The following SHROOM4 variants were observed in gnomAD, a reference collection of about 807,000 sequenced individuals.
SHROOM4 encodes protein Shroom4.
A neutral mutation model predicts 80.3 loss-of-function variants in SHROOM4; 17 were observed. The ratio of observed to expected loss-of-function variants is 0.21; its 90% CI spans 0.14 to 0.32. SHROOM4 has a LOEUF of 0.32. Ranked by LOEUF, SHROOM4 falls within the 10% of genes least tolerant of loss-of-function variation. The pLI is 1.00. For synonymous variants in SHROOM4, 400 were observed against 437.5 expected (o/e 0.91, Z 1.07); for missense variants, 993 against 1,140.3 (o/e 0.87, Z 1.86).
At chrX:50,701,391 A>C (rs1933513664) in intron 1 of SHROOM4, among the ~76,000 whole-genome samples, 1 of 111,836 alleles carries the variant, frequency 8.9e-6, no homozygotes, top group Non-Finnish European at 1.9e-5. Context: ...TGACGGCACA[A>C]GAGTAAACTG....
chrX:50,696,900 T>C (rs1933384770), intron 1 of SHROOM4, among the ~76,000 whole-genome samples: 1 of 111,553 alleles, frequency 9.0e-6, no homozygotes, highest in South Asian at 3.8e-4. Flanking sequence ...TCTCTGGGGG[T>C]CCTTGCTTAT....
At chrX:50,638,131 G>A (rs1557256459) in intron 3 of SHROOM4, 43 bp downstream of exon 3, 2 of 1,182,435 alleles carry the variant, frequency 1.7e-6, no homozygotes, top group Admixed American at 2.3e-5. Context: ...TGTCCAAGGT[G>A]TCTACCCTCC....
intron 1 of SHROOM4, among the ~76,000 whole-genome samples, chrX:50,715,750 C>T (rs781978773): frequency 4.6e-5 from 5 of 109,313 alleles, no homozygotes; most frequent in Non-Finnish European, 9.5e-5. Flanking sequence ...GCTTGCACAG[C>T]GGTGGTGGGA....
chrX:50,637,553 G>A (rs1239233264), intron 3 of SHROOM4, among the ~76,000 whole-genome samples: 1 of 112,666 alleles, frequency 8.9e-6, no homozygotes, highest in Non-Finnish European at 1.9e-5. Flanking sequence ...TAAAGTCACC[G>A]AATTGGGGTA....
chrX:50,710,215 G>A (rs1557264288), intron 1 of SHROOM4, among the ~76,000 whole-genome samples: 2 of 111,847 alleles, frequency 1.8e-5, no homozygotes, highest in Non-Finnish European at 3.8e-5. Context: ...AGACACACTT[G>A]TATGTTCATT....
At chrX:50,660,603 TCTCTCTCTCC>T (rs1216498185) in intron 2 of SHROOM4, among the ~76,000 whole-genome samples, 7 of 74,051 alleles carry the variant, frequency 9.5e-5, no homozygotes, top group Admixed American at 1.8e-4. Context: ...TCTCTCTCCC[TCTCTCTCTCC>T]CTCTTCCCCT....
intron 1 of SHROOM4, among the ~76,000 whole-genome samples, chrX:50,742,645 G>A (rs1057294208): frequency 9.7e-6 from 1 of 103,073 alleles, no homozygotes; most frequent in Admixed American, 1.0e-4. Flanking sequence ...ATTTTTCGGG[G>A]GGGGGGGCAA....
chrX:50,579,802 GGGT>G, the SHROOM4 span, among the ~76,000 whole-genome samples: 1 of 111,392 alleles, frequency 9.0e-6, no homozygotes, highest in African/African-American at 3.3e-5. Flanking sequence ...GCTTGCCTTT[GGGT>G]GGTGTCTAGG....
chrX:50,609,207 A>G (rs1446388752), intron 5 of SHROOM4, among the ~76,000 whole-genome samples: 1 of 110,472 alleles, frequency 9.1e-6, no homozygotes, highest in Admixed American at 9.7e-5. Context: ...GGCTACAGTG[A>G]GCCATCATTG....
intron 5 of SHROOM4, among the ~76,000 whole-genome samples, chrX:50,616,086 C>T (rs1930222738): frequency 8.9e-6 from 1 of 112,017 alleles, no homozygotes; most frequent in Non-Finnish European, 1.9e-5. Flanking sequence ...CATGTAGGTG[C>T]TCTCATAAAA....
At chrX:50,744,315 A>C (rs1370248645) in intron 1 of SHROOM4, among the ~76,000 whole-genome samples, 1 of 110,271 alleles carries the variant, frequency 9.1e-6, no homozygotes, top group Non-Finnish European at 1.9e-5. Flanking sequence ...TTCTCTATTA[A>C]TCTGTCTTCT....
At chrX:50,772,972 A>G (rs138959149) in intron 1 of SHROOM4, among the ~76,000 whole-genome samples, 13 of 112,268 alleles carry the variant, frequency 1.2e-4, no homozygotes, top group Non-Finnish European at 2.3e-4. Context: ...AAGGGGCCAC[A>G]GCAGGAAACT....
intron 2 of SHROOM4, among the ~76,000 whole-genome samples, chrX:50,659,623 G>A (rs1932427116): frequency 8.9e-6 from 1 of 111,995 alleles, no homozygotes; most frequent in African/African-American, 3.2e-5. Context: ...CAATGAAAAA[G>A]GAGTGCCCCA....
intron 1 of SHROOM4, among the ~76,000 whole-genome samples, chrX:50,714,848 T>C (rs1013752431): frequency 9.0e-6 from 1 of 111,616 alleles, no homozygotes. Context: ...CAGAAGATCA[T>C]GAAGCTTCAG....
At chrX:50,599,344 G>C (rs1929286309) in intron 7 of SHROOM4, among the ~76,000 whole-genome samples, 1 of 111,356 alleles carries the variant, frequency 9.0e-6, no homozygotes, top group Non-Finnish European at 1.9e-5. Flanking sequence ...ATAAGACTGT[G>C]AGTTCTGGAG....
chrX:50,760,041 T>A (rs1286171751), intron 1 of SHROOM4, among the ~76,000 whole-genome samples: 1 of 111,350 alleles, frequency 9.0e-6, no homozygotes, highest in Non-Finnish European at 1.9e-5. Context: ...CTTCTGTGGT[T>A]GGGTGGAGTG....
chrX:50,703,667 G>T (rs1397135716), intron 1 of SHROOM4, among the ~76,000 whole-genome samples: 2 of 111,702 alleles, frequency 1.8e-5, no homozygotes, highest in African/African-American at 6.5e-5. Context: ...ACTTCTTCAC[G>T]CTCTCTCTCA....
chrX:50,766,983 T>C (rs1224228218), intron 1 of SHROOM4, among the ~76,000 whole-genome samples: 4 of 111,792 alleles, frequency 3.6e-5, no homozygotes, highest in African/African-American at 1.3e-4. Flanking sequence ...AACAAATGGA[T>C]AGTATACTTA....
rs144468856 is a variant in SHROOM4 at position 50,721,525 on chromosome X, G to A, written c.118-25588C>T. Among the ~76,000 whole-genome samples, 872 of 111,589 alleles carry A rather than the reference G, an allele frequency of 7.8e-3. 8 individuals are homozygous for A. Among genetic ancestry groups the A allele is most frequent in the African/African-American group, 0.027 (813 of 30,650 alleles). ...AGGATAACCAGAGGTCACTCTGGTC[G>A]CCATCTTGGTTTTGGTGGGTTTTAG... On this transcript the variant is annotated intron_variant, in intron 1 of 8. Transcript: ENST00000376020.
Sources: gnomAD v4.1 joint callset for allele counts (sites outside exome capture counted in the v4.1 genomes callset) on GRCh38, gnomAD v4.1.1 for gene constraint, MANE v1.5 for transcripts, NCBI Gene and HGNC (gene_info 2026-07-23, HGNC 2026-07-21) for gene names.